The following RCC2 variants were observed in gnomAD, a reference collection of about 807,000 sequenced individuals.
The protein encoded by RCC2 is regulator of chromosome condensation 2.
In RCC2, 19 loss-of-function variants were observed where a neutral mutation model predicts 64.1. The ratio of observed to expected loss-of-function variants is 0.30; its 90% CI spans 0.21 to 0.44. RCC2 has a LOEUF of 0.44. Among genes scored for constraint, RCC2 ranks in the 20% least tolerant of loss-of-function variants. The pLI is 1.00. For missense variants in RCC2, 508 were observed against 710.4 expected (o/e 0.72, Z 3.24); for synonymous variants, 325 against 279.6 (o/e 1.16, Z -1.62).
At chr1:17,433,857 A>G (rs2100395331) in intron 2 of RCC2, among the ~76,000 whole-genome samples, 1 of 152,154 alleles carries the variant, frequency 6.6e-6, no homozygotes, top group East Asian at 1.9e-4. Flanking sequence ...CCCCGGGAAC[A>G]ATGCCGGCAT....
At chr1:17,437,873 GTCCCCTT>G (rs2075755917) in intron 2 of RCC2, among the ~76,000 whole-genome samples, 2 of 145,384 alleles carry the variant, frequency 1.4e-5, no homozygotes, top group East Asian at 4.0e-4. Context: ...ACTTACCGAG[GTCCCCTT>G]TCCCGGGGCG....
intron 11 of RCC2, among the ~76,000 whole-genome samples, chr1:17,411,623 G>A (rs1410821815): frequency 1.3e-5 from 2 of 149,556 alleles, no homozygotes; most frequent in African/African-American, 4.9e-5. Flanking sequence ...CAGGATCTAA[G>A]AATGAAAGAC....
chr1:17,422,870 G>T, intron 4 of RCC2, 34 bp from the exon 5 acceptor site: 1 of 1,612,910 alleles, frequency 6.2e-7, no homozygotes, highest in Non-Finnish European at 8.5e-7. Context: ...AGAAAAGAGA[G>T]AGGGTGGTCC....
chr1:17,432,676 G>T (rs1341678035), intron 2 of RCC2, among the ~76,000 whole-genome samples: 3 of 152,262 alleles, frequency 2.0e-5, no homozygotes, highest in Non-Finnish European at 4.4e-5. Context: ...GAGCTTAACC[G>T]CAGTGGCCTT....
In RCC2 at chr1:17,431,358, AAATATATAT is replaced by A. The variant is rs1423847172; in HGVS notation, c.286-2168_286-2160del. Among the ~76,000 whole-genome samples, 3 of 91,912 alleles carry A rather than the reference AAATATATAT, an allele frequency of 3.3e-5. 1 individual carries two copies. Among genetic ancestry groups the A allele is most frequent in the Non-Finnish European group, 6.3e-5 (3 of 47,258 alleles). 60.3% of individuals were successfully genotyped at this position (91,912 alleles called of 152,430 possible). ...CAAAAAAAAAAAAAAAAAAAAAAAA[AAATATATAT>A]ATATATATATATATGTGGGCTGGGT... On this transcript the variant is annotated intron_variant, in intron 2 of 12. Transcript: ENST00000375436.
chr1:17,429,082 G>GT lies in RCC2; in HGVS notation c.379+23dup, dbSNP rs767232526. 16 of 1,586,362 alleles carry GT rather than the reference G, an allele frequency of 1.0e-5. No individual in the cohort carries two copies. In the Admixed American group the frequency reaches 1.2e-4, roughly 12 times the overall value. On this transcript the variant is annotated intron_variant, in intron 3 of 12. Transcript: ENST00000375436. ...CTAGCACTTAAGAAGCACTCAATGGGTTTTTGAGGCACCATTCTCATACCT... is the reference window on the plus strand; with the variant it reads ...CTAGCACTTAAGAAGCACTCAATGGGTTTTTTGAGGCACCATTCTCATACCT...
At chr1:17,419,741 A>G (rs1260991529) in intron 7 of RCC2, among the ~76,000 whole-genome samples, 1 of 152,184 alleles carries the variant, frequency 6.6e-6, no homozygotes, top group Admixed American at 6.5e-5. Flanking sequence ...AGGGGAGGCC[A>G]AGGCAGCAGG....
At position 17,413,557 on chromosome 1, in the gene RCC2, G is replaced by A. The variant is rs929882086; in HGVS notation, c.1187C>T (p.Ser396Phe). The A allele has an allele frequency of 6.2e-7, 1 of 1,614,016 alleles. No homozygotes were observed. The highest frequency in any genetic ancestry group is 8.5e-7 in the Non-Finnish European group (1 of 1,179,906). The change falls in exon 9 of 13, where the codon TCC (serine) becomes TTC (phenylalanine). Residue 396 changes from serine (S) to phenylalanine (F), a missense_variant. Transcript: ENST00000375436. ...ASQIYAGYTCSFAVSEVGGLF... is the reference protein window; with the variant it reads ...ASQIYAGYTCFFAVSEVGGLF... ...CTAACCCACTTCACTGACAGCAAAG[G>A]AGCAGGTGTAACCAGCATAGATCTG...
chr1:17,428,253 G>A (rs2075638637), intron 3 of RCC2, among the ~76,000 whole-genome samples: 1 of 152,256 alleles, frequency 6.6e-6, no homozygotes, highest in African/African-American at 2.4e-5. Flanking sequence ...TAGACCAGGA[G>A]GTGCTTCCCT....
chr1:17,429,590 T>C (rs1322974369), intron 2 of RCC2, among the ~76,000 whole-genome samples: 1 of 152,196 alleles, frequency 6.6e-6, no homozygotes, highest in Non-Finnish European at 1.5e-5. Context: ...CAAGTCTCTA[T>C]TTCACATGGC....
intron 4 of RCC2, among the ~76,000 whole-genome samples, chr1:17,424,529 G>A (rs1427364677): frequency 6.6e-6 from 1 of 152,208 alleles, no homozygotes; most frequent in East Asian, 1.9e-4. Context: ...GTCATCAAGA[G>A]ACTATAAAGT....
intron 3 of RCC2, 37 bp downstream of exon 3, chr1:17,429,069 A>C (rs1315447030): frequency 6.7e-6 from 10 of 1,503,176 alleles, no homozygotes; most frequent in Non-Finnish European, 8.3e-6. Flanking sequence ...AGCACTTAAG[A>C]AGCACTCAAT....
chr1:17,422,567 T>C, intron 5 of RCC2, 138 bp downstream of exon 5: 1 of 1,192,928 alleles, frequency 8.4e-7, no homozygotes, highest in South Asian at 1.6e-5. Flanking sequence ...AGCCACTCCA[T>C]GCCAAGGTTC....
chr1:17,417,422 C>G (rs185287054), intron 7 of RCC2, among the ~76,000 whole-genome samples: 1 of 152,204 alleles, frequency 6.6e-6, no homozygotes, highest in Non-Finnish European at 1.5e-5. Flanking sequence ...AATCCCAGCA[C>G]GTTGGGAGGC....
chr1:17,431,942 T>C (rs1169670108), intron 2 of RCC2, among the ~76,000 whole-genome samples: 1 of 151,696 alleles, frequency 6.6e-6, no homozygotes, highest in Non-Finnish European at 1.5e-5. Context: ...CTACTAAAAA[T>C]ACAAAAAATT....
At chr1:17,409,942 G>A (rs368014486) in intron 12 of RCC2, 32 bp downstream of exon 12, 70 of 1,584,264 alleles carry the variant, frequency 4.4e-5, no homozygotes, top group Non-Finnish European at 5.6e-5. Context: ...GTACGGACAC[G>A]TCCCCGAGCT....
Position 17,413,742 on chromosome 1 carries a change from T to C in RCC2, c.1027-25A>G, listed in dbSNP as rs561836506. 105 of 1,595,016 alleles carry C rather than the reference T, an allele frequency of 6.6e-5. 3 individuals are homozygous for C. In the South Asian group the frequency reaches 1.1e-3, roughly 17 times the overall value. On this transcript the variant is annotated intron_variant, in intron 8 of 12. Transcript: ENST00000375436. ...GCTGCAAGGAAAGAAAACACAGGGT[T>C]GGAACAAACAGACTTCCAACAGGCA...
rs1446217293 is a variant in RCC2, at chr1:17,409,028, C to A, written c.*62G>T. The A allele has an allele frequency of 3.3e-6, 4 of 1,228,714 alleles. No homozygotes were observed. Among genetic ancestry groups the A allele is most frequent in the Non-Finnish European group, 3.6e-6 (3 of 829,524 alleles). The allele number at this position is 1,228,714 out of a possible 1,614,324, so 76.1% of individuals were successfully genotyped here. A position where few individuals can be genotyped will look rare whatever the true frequency, so the allele number is the denominator to read the frequency against. ...AAATTCCTCGTTTGACTTCCCGTCC[C>A]AGTGCACATGGAAATGACAGCTGCC... is the stretch of plus-strand genomic sequence containing the variant. On this transcript the variant is annotated 3_prime_UTR_variant, in exon 13 of 13. Coordinates refer to ENST00000375436, the MANE Select transcript of RCC2 (RefSeq NM_018715.4).
chr1:17,438,863 C>G (rs760546629), intron 1 of RCC2, among the ~76,000 whole-genome samples: 1 of 152,214 alleles, frequency 6.6e-6, no homozygotes, highest in Non-Finnish European at 1.5e-5. Flanking sequence ...GTAAAACCAG[C>G]CTCCAGTCCC....
Sources: gnomAD v4.1 joint callset for allele counts (sites outside exome capture counted in the v4.1 genomes callset) on GRCh38, gnomAD v4.1.1 for gene constraint, MANE v1.5 for transcripts, NCBI Gene and HGNC (gene_info 2026-07-23, HGNC 2026-07-21) for gene names.